The following GXYLT2 variants were observed in gnomAD, a reference collection of about 807,000 sequenced individuals.
GXYLT2 encodes the protein glucoside xylosyltransferase 2, also known as glycosyltransferase 8 domain containing 4.
Under a neutral mutation model 45.8 loss-of-function variants are expected in GXYLT2, and 53 were observed. The observed-to-expected ratio is 1.16, with a 90% CI of 0.93 to 1.46. GXYLT2 has a LOEUF of 1.46. GXYLT2 is among the 40% of genes most tolerant of loss of function. GXYLT2 has a pLI of 0.00. For missense variants in GXYLT2, 551 were observed against 544.4 expected (o/e 1.01, Z -0.12); for synonymous variants, 219 against 214.2 (o/e 1.02, Z -0.19).
In GXYLT2 at chr3:72,888,221, G is replaced by A; in HGVS notation, c.-13G>A. 1.0e-6 allele frequency: 1 copy of A among 989,376 alleles called. No homozygotes were observed. Among genetic ancestry groups the A allele is most frequent in the Non-Finnish European group, 1.2e-6 (1 of 834,964 alleles). The allele number at this position is 989,376 out of a possible 1,614,324, so 61.3% of individuals were successfully genotyped here. ...GAGCCGCCTGGGGGCCGCCGCCGCC[G>A]CCGCGCCGCACCATGAAGCTCCGCA... On this transcript the variant is annotated 5_prime_UTR_variant, in exon 1 of 7. Coordinates refer to ENST00000389617, the MANE Select transcript of GXYLT2 (RefSeq NM_001080393.2).
At position 72,960,021 on chromosome 3, in the gene GXYLT2, C is replaced by T. The variant is rs897828341; in HGVS notation, c.976+2669C>T. Among the ~76,000 whole-genome samples, 4 of 152,316 alleles carry T rather than the reference C, an allele frequency of 2.6e-5. No individual in the cohort carries two copies. The South Asian group carries it at 8.3e-4, about 32-fold the overall frequency. The stretch of plus-strand genomic sequence containing the variant: ...AGTGTGGTGGCACGATCTCGGCTCA[C>T]TGCAACCTCTGCCTCCTGGGTTCAA... On this transcript the variant is annotated intron_variant, in intron 5 of 6. Transcript: ENST00000389617.
At chr3:72,922,874 T>C (rs574528482) in intron 3 of GXYLT2, among the ~76,000 whole-genome samples, 2 of 152,286 alleles carry the variant, frequency 1.3e-5, no homozygotes, top group South Asian at 4.1e-4. Flanking sequence ...ATCCCAGTAC[T>C]TGGGGAGGCC....
chr3:72,943,245 C>G (rs1710331944), intron 3 of GXYLT2, among the ~76,000 whole-genome samples: 1 of 152,030 alleles, frequency 6.6e-6, no homozygotes. Flanking sequence ...AATAACTTCT[C>G]AAAATGTATT....
chr3:72,952,668 C>A (rs965448611), intron 3 of GXYLT2, among the ~76,000 whole-genome samples: 1 of 152,090 alleles, frequency 6.6e-6, no homozygotes, highest in Non-Finnish European at 1.5e-5. Context: ...GATGGAGCCT[C>A]TTCCTGGCTT....
At chr3:72,910,089 ACT>A (rs1363301422) in intron 2 of GXYLT2, among the ~76,000 whole-genome samples, 1 of 152,082 alleles carries the variant, frequency 6.6e-6, no homozygotes, top group Non-Finnish European at 1.5e-5. Context: ...AAGGGCTGAA[ACT>A]CTATATAGTT....
chr3:72,927,692 T>C (rs1356698372), intron 3 of GXYLT2, among the ~76,000 whole-genome samples: 1 of 152,170 alleles, frequency 6.6e-6, no homozygotes, highest in Non-Finnish European at 1.5e-5. Flanking sequence ...GAACACCAAT[T>C]AGAATCACCA....
At chr3:72,910,393 C>G (rs578032902) in intron 2 of GXYLT2, among the ~76,000 whole-genome samples, 1 of 152,140 alleles carries the variant, frequency 6.6e-6, no homozygotes, top group East Asian at 1.9e-4. Flanking sequence ...TCAAAACTCA[C>G]CTCCACTATG....
At position 72,908,537 on chromosome 3, in the gene GXYLT2, T is replaced by C. The variant is rs1358532816; in HGVS notation, c.446T>C (p.Leu149Pro). Reference protein sequence around the residue: ...IQFHIFTEDSLKPEFDKQLRQ... With the variant: ...IQFHIFTEDSPKPEFDKQLRQ... ...TTCCACATCTTCACTGAAGACTCTC[T>C]GAAGCCCGAGTTTGATAAGCAGGTG... is the stretch of plus-strand genomic sequence containing the variant. Residue 149 changes from leucine to proline, a missense_variant, in exon 2 of 7, where the codon CTG (leucine) becomes CCG (proline). Coordinates refer to ENST00000389617, the MANE Select transcript of GXYLT2 (RefSeq NM_001080393.2). 3 of 1,612,258 alleles carry C rather than the reference T, an allele frequency of 1.9e-6. No homozygotes were observed. The South Asian group carries it at 3.3e-5, about 18-fold the overall frequency.
chr3:72,960,050 A>G (rs1021817355), intron 5 of GXYLT2, among the ~76,000 whole-genome samples: 2 of 152,078 alleles, frequency 1.3e-5, no homozygotes, highest in Non-Finnish European at 2.9e-5. Flanking sequence ...GGTTCAAGCG[A>G]TTCTTCTGCC....
intron 3 of GXYLT2, among the ~76,000 whole-genome samples, chr3:72,944,747 T>C (rs1168878107): frequency 1.3e-5 from 2 of 152,144 alleles, no homozygotes; most frequent in African/African-American, 4.8e-5. Flanking sequence ...TGCTTGAATC[T>C]GAATGACAAC....
At chr3:72,919,175 G>A (rs529125474) in intron 2 of GXYLT2, among the ~76,000 whole-genome samples, 45 of 152,228 alleles carry the variant, frequency 3.0e-4, no homozygotes, top group African/African-American at 9.9e-4. Flanking sequence ...CACAAAAACC[G>A]GTACACAGAT....
intron 3 of GXYLT2, among the ~76,000 whole-genome samples, chr3:72,932,126 C>G (rs527592217): frequency 3.6e-4 from 54 of 149,610 alleles, no homozygotes; most frequent in Admixed American, 1.0e-3. Flanking sequence ...GATCTTGGCT[C>G]ACACCAACCT....
rs116405296 is a variant in GXYLT2, at chr3:72,896,047, A to G, written c.275+7539A>G. ...CACCTAGCACAGTAGATTAGCTCATAGGAGTCACCAAATGATTTGCTGTTC... is the reference window on the plus strand; with the variant it reads ...CACCTAGCACAGTAGATTAGCTCATGGGAGTCACCAAATGATTTGCTGTTC... On this transcript the variant is annotated intron_variant, in intron 1 of 6. Transcript: ENST00000389617. Among the ~76,000 whole-genome samples, 988 of 152,366 alleles carry G rather than the reference A, an allele frequency of 6.5e-3. 12 individuals carry two copies. The highest frequency in any genetic ancestry group is 0.023 in the African/African-American group (944 of 41,576).
At chr3:72,954,798 T>A (rs187038787) in intron 3 of GXYLT2, among the ~76,000 whole-genome samples, 12 of 152,210 alleles carry the variant, frequency 7.9e-5, no homozygotes, top group African/African-American at 2.9e-4. Context: ...AATTTGCTGA[T>A]GTTTTCTTTT....
intron 3 of GXYLT2, among the ~76,000 whole-genome samples, chr3:72,931,215 TA>T (rs1710027426): frequency 6.6e-6 from 1 of 151,674 alleles, no homozygotes; most frequent in South Asian, 2.1e-4. Context: ...CATACTTCTT[TA>T]TTTTTTTATT....
intron 3 of GXYLT2, 73 bp from the exon 4 acceptor site, chr3:72,955,025 C>T (rs1710607543): frequency 1.3e-6 from 2 of 1,516,868 alleles, no homozygotes; most frequent in African/African-American, 1.4e-5. Flanking sequence ...AGGCTACTTC[C>T]TTTGTTTCTG....
chr3:72,893,444 T>C (rs544212998), intron 1 of GXYLT2, among the ~76,000 whole-genome samples: 29 of 152,334 alleles, frequency 1.9e-4, no homozygotes, highest in African/African-American at 7.0e-4. Flanking sequence ...GCTCGAGTAC[T>C]CCTCTCCATC....
At position 72,925,300 on chromosome 3, in the gene GXYLT2, C is replaced by T. The variant is rs551197139; in HGVS notation, c.600+2965C>T. On this transcript the variant is annotated intron_variant, in intron 3 of 6. Coordinates refer to ENST00000389617, the MANE Select transcript of GXYLT2 (RefSeq NM_001080393.2). Reference sequence around the variant, plus strand: ...ATCCCCCAAGTAGCTGGGATTTTGGCGCATACCACCATGCCCCGCTAATTT... The same window carrying T: ...ATCCCCCAAGTAGCTGGGATTTTGGTGCATACCACCATGCCCCGCTAATTT... Among the ~76,000 whole-genome samples, 587 of 151,998 alleles carry T rather than the reference C, an allele frequency of 3.9e-3. 2 individuals carry two copies. Among genetic ancestry groups the T allele is most frequent in the African/African-American group, 0.014 (564 of 41,434 alleles).
At chr3:72,925,429 T>G (rs1240240630) in intron 3 of GXYLT2, among the ~76,000 whole-genome samples, 1 of 152,186 alleles carries the variant, frequency 6.6e-6, no homozygotes. Flanking sequence ...GTGCTGAGAT[T>G]ACAGGCATGA....
Sources: allele counts gnomAD v4.1 joint callset (sites outside exome capture counted in the v4.1 genomes callset), GRCh38; gene constraint gnomAD v4.1.1; transcripts MANE v1.5; gene names NCBI Gene and HGNC (gene_info 2026-07-23, HGNC 2026-07-21).